The following PSIP1 variants were observed in gnomAD, a reference collection of about 807,000 sequenced individuals.
PSIP1 encodes PC4 and SRSF1 interacting protein 1, also known as PC4 and SFRS1-interacting protein.
PSIP1 carries 19 observed loss-of-function variants against 74.7 expected under a neutral mutation model. The observed-to-expected ratio is 0.25, with a 90% CI of 0.18 to 0.37. The LOEUF is 0.37. PSIP1 is among the 10% of genes least tolerant of loss of function. The pLI is 1.00. For synonymous variants in PSIP1, 222 were observed against 195.3 expected (o/e 1.14, Z -1.14); for missense variants, 601 against 614.3 (o/e 0.98, Z 0.23).
Position 15,484,971 on chromosome 9 carries a change from C to CAA in PSIP1, c.456+1034_456+1035insTT, listed in dbSNP as rs2036497644. Among the ~76,000 whole-genome samples, 4 of 150,678 alleles carry CAA rather than the reference C, an allele frequency of 2.7e-5. No individual in the cohort carries two copies. The South Asian group carries it at 6.3e-4, about 24-fold the overall frequency. On this transcript the variant is annotated intron_variant, in intron 6 of 15. Transcript: ENST00000380733. ...TGGTGGCACACTTCTACAGTCCCAG[C>CAA]TATTAGGGAGGGTAAGATGGGAAAA...
At chr9:15,475,449 G>C (rs2064030) in intron 8 of PSIP1, among the ~76,000 whole-genome samples, 10,746 of 152,118 alleles carry the variant, frequency 0.071, 524 homozygotes, top group African/African-American at 0.14. Context: ...TGTTACACCT[G>C]TATGGAAGGA....
chr9:15,486,485 A>C (rs2036560905), intron 5 of PSIP1, among the ~76,000 whole-genome samples: 2 of 152,108 alleles, frequency 1.3e-5, no homozygotes, highest in Non-Finnish European at 2.9e-5. Flanking sequence ...TTGGACATCA[A>C]CCTAGGTTTT....
chr9:15,497,264 T>C (rs898500720), intron 3 of PSIP1, among the ~76,000 whole-genome samples: 8 of 151,484 alleles, frequency 5.3e-5, no homozygotes, highest in African/African-American at 1.7e-4. Flanking sequence ...TGGATGAATC[T>C]TGAAAAACAT....
chr9:15,465,886 T>G (rs1407681686), intron 15 of PSIP1: 1 of 272,170 alleles, frequency 3.7e-6, no homozygotes, highest in African/African-American at 2.2e-5. Context: ...TTAAAGAACA[T>G]GAGAATGTTT....
chr9:15,471,434 T>C, intron 10 of PSIP1: 1 of 1,449,680 alleles, frequency 6.9e-7, no homozygotes, highest in Non-Finnish European at 9.1e-7. Context: ...AACTTTAAGA[T>C]ACTAAAGAAG....
chr9:15,506,588 G>C lies in PSIP1; in HGVS notation c.122C>G (p.Pro41Arg). ...GAVKPPTNKL[P>R]IFFFGTHETA... ...CTCATGAGTTCCAAAAAAGAAAATGGGTAGTTTGTTTGTGGGTGGCTTTAC... is the reference window on the plus strand; with the variant it reads ...CTCATGAGTTCCAAAAAAGAAAATGCGTAGTTTGTTTGTGGGTGGCTTTAC... Residue 41 changes from proline (P) to arginine (R), a missense_variant, in exon 3 of 16, where the codon CCC becomes CGC. This residue lies in a region of PSIP1 where 63 missense variants were observed against 106.7 expected (regional missense o/e 0.59). Coordinates refer to ENST00000380733, the MANE Select transcript of PSIP1 (RefSeq NM_033222.5). 1 of 1,612,684 alleles carries C rather than the reference G, an allele frequency of 6.2e-7. No individual in the cohort carries two copies. Among genetic ancestry groups the C allele is most frequent in the Non-Finnish European group, 8.5e-7 (1 of 1,178,916 alleles).
intron 3 of PSIP1, among the ~76,000 whole-genome samples, chr9:15,495,642 A>C (rs2037038933): frequency 6.6e-6 from 1 of 152,178 alleles, no homozygotes; most frequent in African/African-American, 2.4e-5. Flanking sequence ...GAATGCGTCT[A>C]TCTTCTATGC....
At chr9:15,468,541 G>T in intron 14 of PSIP1, 89 bp downstream of exon 14, 1 of 1,384,430 alleles carries the variant, frequency 7.2e-7, no homozygotes, top group Non-Finnish European at 1.0e-6. Flanking sequence ...CGTATACACA[G>T]TGAAACTATG....
At position 15,494,093 on chromosome 9, in the gene PSIP1, T is replaced by C. The variant is rs538319707; in HGVS notation, c.150-3969A>G. 5.9e-5 allele frequency among the ~76,000 whole-genome samples: 9 copies of C among 152,358 alleles called. No individual in the cohort carries two copies. The South Asian group carries it at 1.9e-3, about 32-fold the overall frequency. ...CAAAGCAACAGGAAAATGGAACTGA[T>C]ACTTATTTCCTCTAAAATGTACTAA... is the stretch of plus-strand genomic sequence containing the variant. On this transcript the variant is annotated intron_variant, in intron 3 of 15. Coordinates refer to ENST00000380733, the MANE Select transcript of PSIP1 (RefSeq NM_033222.5).
chr9:15,504,730 C>T (rs915586672), intron 3 of PSIP1, among the ~76,000 whole-genome samples: 28 of 146,872 alleles, frequency 1.9e-4, no homozygotes, highest in South Asian at 1.7e-3. Flanking sequence ...GAGCTAGACT[C>T]GGTCTCAAAA....
Position 15,510,891 on chromosome 9 carries a change from G to T in PSIP1, c.-216C>A. ...ACCCGCGTCCACGCAAGCCACCTGC[G>T]CCACCAGCTGCCGCAGAGGCGTCTC... On this transcript the variant is annotated 5_prime_UTR_variant, in exon 1 of 16. Coordinates refer to ENST00000380733, the MANE Select transcript of PSIP1 (RefSeq NM_033222.5). 6.6e-6 allele frequency: 1 copy of T among 152,504 alleles called. No individual in the cohort carries two copies. The highest frequency in any genetic ancestry group is 2.0e-4 in the South Asian group (1 of 5,030). 9.4% of individuals were successfully genotyped at this position (152,504 alleles called of 1,614,324 possible).
chr9:15,488,136 C>G (rs1475046678), intron 4 of PSIP1, among the ~76,000 whole-genome samples: 5 of 151,416 alleles, frequency 3.3e-5, no homozygotes, highest in Non-Finnish European at 7.4e-5. Flanking sequence ...CAAGACTGGC[C>G]TGGCCAAGAT....
At chr9:15,500,126 G>A (rs2037263876) in intron 3 of PSIP1, among the ~76,000 whole-genome samples, 1 of 152,046 alleles carries the variant, frequency 6.6e-6, no homozygotes, top group African/African-American at 2.4e-5. Flanking sequence ...TTATTCAACA[G>A]ACAACTGAAT....
chr9:15,497,590 G>C (rs1306405340), intron 3 of PSIP1, among the ~76,000 whole-genome samples: 2 of 152,070 alleles, frequency 1.3e-5, no homozygotes, highest in African/African-American at 4.8e-5. Flanking sequence ...CTCCCAAAGT[G>C]CTGGGATTAC....
intron 3 of PSIP1, among the ~76,000 whole-genome samples, chr9:15,495,101 C>T (rs1243973116): frequency 6.6e-6 from 1 of 152,088 alleles, no homozygotes; most frequent in Non-Finnish European, 1.5e-5. Flanking sequence ...GAAGTTGAAT[C>T]TTAAGCACCC....
intron 2 of PSIP1, among the ~76,000 whole-genome samples, chr9:15,507,457 G>C (rs1011297865): frequency 1.3e-5 from 2 of 152,078 alleles, no homozygotes; most frequent in African/African-American, 4.8e-5. Context: ...AGACCAGCCT[G>C]ACCAATATGG....
intron 10 of PSIP1, chr9:15,470,573 G>A: frequency 2.1e-6 from 2 of 931,656 alleles, no homozygotes; most frequent in Non-Finnish European, 2.6e-6. Context: ...CCTTGGCTTA[G>A]AGTTCAGGCC....
At chr9:15,501,804 A>T (rs1393956721) in intron 3 of PSIP1, among the ~76,000 whole-genome samples, 1 of 147,164 alleles carries the variant, frequency 6.8e-6, no homozygotes, top group Non-Finnish European at 1.5e-5. Flanking sequence ...GCAGATACCA[A>T]AATTCACAGA....
chr9:15,466,721 C>A (rs761133572), intron 15 of PSIP1, 27 bp downstream of exon 15: 1 of 1,544,760 alleles, frequency 6.5e-7, no homozygotes, highest in Admixed American at 1.8e-5. Context: ...AAAAAACACA[C>A]AAGACCCATT....
Sources: gnomAD v4.1 joint callset for allele counts (sites outside exome capture counted in the v4.1 genomes callset) on GRCh38, gnomAD v4.1.1 for gene constraint, gnomAD v4.1.1 regional missense constraint, MANE v1.5 for transcripts, NCBI Gene and HGNC (gene_info 2026-07-23, HGNC 2026-07-21) for gene names.